The following ADAM23 variants were observed in gnomAD, a reference collection of about 807,000 sequenced individuals.
ADAM23 encodes the protein ADAM metallopeptidase domain 23, also known as disintegrin and metalloproteinase domain-containing protein 23.
A neutral mutation model predicts 120.1 loss-of-function variants in ADAM23; 33 were observed. The observed-to-expected ratio is 0.27, with a 90% CI of 0.21 to 0.37. The LOEUF is 0.37. Among genes scored for constraint, ADAM23 ranks in the 10% least tolerant of loss-of-function variants. The probability of loss-of-function intolerance (pLI) is 1.00; values close to 1 mark genes in which losing one functional copy is unlikely to be tolerated. For missense variants in ADAM23, 862 were observed against 1,058.2 expected, an observed-to-expected ratio of 0.81 and a Z score of 2.57; for synonymous variants, 367 against 375.2, an observed-to-expected ratio of 0.98 and a Z score of 0.25.
rs1288060511 is a variant in ADAM23 at position 206,516,866 on chromosome 2, G to A, written c.510-14019G>A. On this transcript the variant is annotated intron_variant, in intron 3 of 25. Transcript: ENST00000264377. Reference sequence around the variant, plus strand: ...CACCCAACCTACCCTTGTTTGATAAGGAATAATTGGAAATTTTCTATTTTG... The same window carrying A: ...CACCCAACCTACCCTTGTTTGATAAAGAATAATTGGAAATTTTCTATTTTG... 2.0e-5 allele frequency among the ~76,000 whole-genome samples: 3 copies of A among 152,112 alleles called. No homozygotes were observed. The East Asian group carries it at 5.8e-4, about 29-fold the overall frequency.
At chr2:206,486,065 A>G (rs1001895027) in intron 3 of ADAM23, among the ~76,000 whole-genome samples, 1 of 152,214 alleles carries the variant, frequency 6.6e-6, no homozygotes, top group Non-Finnish European at 1.5e-5. Flanking sequence ...TCAGAGAGGA[A>G]GCAGCTGTGC....
intron 2 of ADAM23, among the ~76,000 whole-genome samples, chr2:206,465,060 C>G (rs1363629992): frequency 2.0e-5 from 3 of 151,860 alleles, no homozygotes; most frequent in Non-Finnish European, 4.4e-5. Flanking sequence ...CTTTGTTTTT[C>G]TTAGAGATGG....
intron 24 of ADAM23, among the ~76,000 whole-genome samples, chr2:206,598,721 G>A (rs1396894876): frequency 6.6e-6 from 1 of 151,958 alleles, no homozygotes; most frequent in Non-Finnish European, 1.5e-5. Flanking sequence ...CCAACATGGT[G>A]AAACCCCATC....
chr2:206,503,594 G>A (rs974631547), intron 3 of ADAM23, among the ~76,000 whole-genome samples: 2 of 152,126 alleles, frequency 1.3e-5, no homozygotes, highest in African/African-American at 4.8e-5. Flanking sequence ...ACTGAAAACT[G>A]AGATTGATGG....
chr2:206,576,863 G>A (rs1328573418), intron 18 of ADAM23, among the ~76,000 whole-genome samples: 1 of 152,142 alleles, frequency 6.6e-6, no homozygotes, highest in Non-Finnish European at 1.5e-5. Flanking sequence ...TTGAAAGATA[G>A]CAGAAATAGG....
chr2:206,481,548 A>C (rs1176661514), intron 3 of ADAM23, among the ~76,000 whole-genome samples: 1 of 152,190 alleles, frequency 6.6e-6, no homozygotes, highest in African/African-American at 2.4e-5. Flanking sequence ...AAATGGAATA[A>C]ATATTTGAAG....
intron 2 of ADAM23, among the ~76,000 whole-genome samples, chr2:206,451,256 C>G (rs943784919): frequency 2.6e-5 from 4 of 152,130 alleles, no homozygotes; most frequent in Non-Finnish European, 4.4e-5. Flanking sequence ...TAGGAAACTT[C>G]AAAGACAGAG....
chr2:206,573,332 AT>A, intron 18 of ADAM23, 137 bp downstream of exon 18: 1 of 797,850 alleles, frequency 1.3e-6, no homozygotes, highest in East Asian at 2.6e-5. Context: ...ATAATGAGAT[AT>A]CTTGGGGATG....
chr2:206,466,297 T>G (rs1695541080), intron 2 of ADAM23, among the ~76,000 whole-genome samples: 1 of 152,234 alleles, frequency 6.6e-6, no homozygotes, highest in Non-Finnish European at 1.5e-5. Context: ...TTAACATGTA[T>G]GTGCAAGACA....
intron 2 of ADAM23, among the ~76,000 whole-genome samples, chr2:206,459,710 G>A (rs1375809986): frequency 6.6e-6 from 1 of 152,102 alleles, no homozygotes; most frequent in Non-Finnish European, 1.5e-5. Context: ...TACCCAAAAT[G>A]GAACTCTTGA....
intron 9 of ADAM23, among the ~76,000 whole-genome samples, chr2:206,552,926 C>T (rs949051537): frequency 3.9e-5 from 6 of 152,018 alleles, no homozygotes; most frequent in African/African-American, 9.7e-5. Flanking sequence ...CTTCAACCTC[C>T]GAAAGTGCTG....
intron 13 of ADAM23, among the ~76,000 whole-genome samples, chr2:206,563,949 C>G (rs1350439857): frequency 6.6e-6 from 1 of 151,966 alleles, no homozygotes; most frequent in Non-Finnish European, 1.5e-5. Context: ...CCAGTATGGT[C>G]TCGATCTCCT....
intron 2 of ADAM23, among the ~76,000 whole-genome samples, chr2:206,463,008 T>C (rs1417887258): frequency 6.6e-6 from 1 of 152,074 alleles, no homozygotes; most frequent in African/African-American, 2.4e-5. Context: ...GCAGTGATGG[T>C]GTGGACTGCA....
Position 206,618,725 on chromosome 2 carries a change from A to C in ADAM23, c.*1098A>C, listed in dbSNP as rs1559292564. 6.6e-6 allele frequency: 1 copy of C among 151,184 alleles called. No individual in the cohort carries two copies. Among genetic ancestry groups the C allele is most frequent in the Non-Finnish European group, 1.5e-5 (1 of 68,026 alleles). 9.4% of individuals were successfully genotyped at this position (151,184 alleles called of 1,614,324 possible). A position where few individuals can be genotyped will look rare whatever the true frequency, so the allele number is the denominator to read the frequency against. On this transcript the variant is annotated 3_prime_UTR_variant, in exon 26 of 26. Coordinates refer to ENST00000264377, the MANE Select transcript of ADAM23 (RefSeq NM_003812.4). ...CAAAAATAAAAGGGGGGACATAAAC[A>C]ACAAAATAACCCATATCAAAGACAC...
At chr2:206,451,826 G>GT (rs1383442084) in intron 2 of ADAM23, among the ~76,000 whole-genome samples, 1 of 152,170 alleles carries the variant, frequency 6.6e-6, no homozygotes, top group African/African-American at 2.4e-5. Flanking sequence ...ATATCAAACT[G>GT]TAAGTCCTAG....
chr2:206,599,375 T>C (rs1212068225), intron 24 of ADAM23, among the ~76,000 whole-genome samples: 2 of 152,164 alleles, frequency 1.3e-5, no homozygotes, highest in African/African-American at 2.4e-5. Flanking sequence ...GAAAATGTCA[T>C]TAAATGAAAT....
At chr2:206,461,904 A>T (rs1172735821) in intron 2 of ADAM23, among the ~76,000 whole-genome samples, 6 of 152,290 alleles carry the variant, frequency 3.9e-5, no homozygotes, top group Non-Finnish European at 7.4e-5. Context: ...GAAAATGAAA[A>T]GAGTAGCTGC....
At chr2:206,506,731 G>A (rs927149059) in intron 3 of ADAM23, among the ~76,000 whole-genome samples, 3 of 152,154 alleles carry the variant, frequency 2.0e-5, no homozygotes, top group Admixed American at 6.5e-5. Context: ...GGTAAAGCCC[G>A]TCATGCTTAA....
intron 24 of ADAM23, chr2:206,605,741 T>G: frequency 1.4e-6 from 1 of 701,906 alleles, no homozygotes. Flanking sequence ...TTAGTGAAAT[T>G]AGTATGTAAT....
Sources: allele counts gnomAD v4.1 joint callset (sites outside exome capture counted in the v4.1 genomes callset), GRCh38; gene constraint gnomAD v4.1.1; transcripts MANE v1.5; gene names NCBI Gene and HGNC (gene_info 2026-07-23, HGNC 2026-07-21).